The following DBT variants were observed in gnomAD, a reference collection of about 807,000 sequenced individuals.
DBT encodes lipoamide acyltransferase component of branched-chain alpha-keto acid dehydrogenase complex, mitochondrial.
A neutral mutation model predicts 51.3 loss-of-function variants in DBT; 40 were observed. The ratio of observed to expected loss-of-function variants is 0.78; its 90% confidence interval spans 0.61 to 1.02. The LOEUF is 1.02. DBT is among the 50% of genes least tolerant of loss of function. The probability of loss-of-function intolerance (pLI) is 0.00; values close to 1 mark genes in which losing one functional copy is unlikely to be tolerated. For missense variants in DBT, 510 were observed against 580.2 expected, an observed-to-expected ratio of 0.88 and a Z score of 1.24; for synonymous variants, 181 against 190.4, an observed-to-expected ratio of 0.95 and a Z score of 0.41.
At chr1:100,237,812 A>T (rs72975903) in intron 2 of DBT, among the ~76,000 whole-genome samples, 5,163 of 151,826 alleles carry the variant, frequency 0.034, 301 homozygotes, top group African/African-American at 0.12. Context: ...ATTAAAAAAA[A>T]TTTTTTATAG....
chr1:100,233,281 A>G lies in DBT; in HGVS notation c.251+2155T>C, dbSNP rs574339939. The stretch of plus-strand genomic sequence containing the variant: ...ACTTTAAGACAAAAGCACACATAAC[A>G]TCTAAACTTGTTTTAGAAGTTTGTC... On this transcript the variant is annotated intron_variant, in intron 3 of 10. Coordinates refer to ENST00000370132, the MANE Select transcript of DBT (RefSeq NM_001918.5). Among the ~76,000 whole-genome samples the G allele has an allele frequency of 1.1e-4, 16 of 152,278 alleles. No individual in the cohort carries two copies. The South Asian group carries it at 3.1e-3, about 30-fold the overall frequency.
intron 1 of DBT, among the ~76,000 whole-genome samples, chr1:100,249,494 G>T (rs1236763922): frequency 6.6e-6 from 1 of 152,176 alleles, no homozygotes; most frequent in Non-Finnish European, 1.5e-5. Flanking sequence ...CACCTGGAAG[G>T]CGCTCAATAA....
At chr1:100,230,151 T>C (rs1308449142) in intron 4 of DBT, among the ~76,000 whole-genome samples, 2 of 152,204 alleles carry the variant, frequency 1.3e-5, no homozygotes, top group Admixed American at 6.5e-5. Flanking sequence ...CTTTAATTAC[T>C]GAGAGAGCTT....
At chr1:100,213,808 C>T in intron 7 of DBT, 1 of 1,421,572 alleles carries the variant, frequency 7.0e-7, no homozygotes, top group East Asian at 2.6e-5. Flanking sequence ...ACGCCAGCTG[C>T]GGTTTCCCGG....
At chr1:100,235,153 T>TAAA (rs1220590281) in intron 3 of DBT, among the ~76,000 whole-genome samples, 4 of 152,328 alleles carry the variant, frequency 2.6e-5, no homozygotes, top group East Asian at 1.9e-4. Flanking sequence ...ACTTACATTC[T>TAAA]TACTAAAGTC....
chr1:100,220,689 TA>T (rs1167856138), intron 4 of DBT, among the ~76,000 whole-genome samples: 1 of 152,220 alleles, frequency 6.6e-6, no homozygotes, highest in Non-Finnish European at 1.5e-5. Context: ...ATAGACAGTT[TA>T]AAAAGTGAGG....
rs1274084788 is a variant in DBT, at chr1:100,188,789, A to G, written c.*7466T>C. 2.6e-5 allele frequency: 4 copies of G among 152,196 alleles called. No homozygotes were observed. The highest frequency in any genetic ancestry group is 5.9e-5 in the Non-Finnish European group (4 of 68,066). 9.4% of individuals were successfully genotyped at this position (152,196 alleles called of 1,614,324 possible). ...ACCTCTCTATAACAGAACTGCAATT[A>G]TTCTTGTCATGCTTCAGTTGTTTCT... On this transcript the variant is annotated 3_prime_UTR_variant, in exon 11 of 11. Transcript: ENST00000370132.
In DBT at chr1:100,218,689, T is replaced by C. The variant is rs34216222; in HGVS notation, c.492A>G (p.Gln164=). The change falls in exon 5 of 11, where the codon CAA becomes CAG. Residue 164 remains glutamine (Q), a synonymous_variant. Transcript: ENST00000370132. ...PAVSHDEHTH[Q]EIKGRKTLAT... ...CCAGTGTTTTTCGGCCCTTTATCTC[T>C]TGGTGTGTATGTTCATCATGAGACA... is the stretch of plus-strand genomic sequence containing the variant. 1.9e-5 allele frequency: 31 copies of C among 1,613,784 alleles called. No homozygotes were observed. Among genetic ancestry groups the C allele is most frequent in the Non-Finnish European group, 2.5e-5 (30 of 1,179,818 alleles).
chr1:100,230,752 T>G lies in DBT; in HGVS notation c.414A>C (p.Ile138=). Residue 138 remains isoleucine (I), a synonymous_variant, in exon 4 of 11, where the codon ATA becomes ATC. Coordinates refer to ENST00000370132, the MANE Select transcript of DBT (RefSeq NM_001918.5). The part of the protein sequence containing the change: ...IAYVGKPLVD[I]ETEALKDSEE... ...CAATACCTTTTAAAGCTTCCGTTTC[T>G]ATGTCTACTAATGGCTTCCCCACAT... 1 of 1,609,676 alleles carries G rather than the reference T, an allele frequency of 6.2e-7. No homozygotes were observed.
chr1:100,214,060 C>G (rs1292738223), intron 7 of DBT, among the ~76,000 whole-genome samples: 1 of 151,998 alleles, frequency 6.6e-6, no homozygotes, highest in African/African-American at 2.4e-5. Flanking sequence ...GTATGCTGCT[C>G]AAGGTTAGCT....
At chr1:100,240,120 A>G (rs1161294343) in intron 2 of DBT, among the ~76,000 whole-genome samples, 1 of 152,216 alleles carries the variant, frequency 6.6e-6, no homozygotes, top group Non-Finnish European at 1.5e-5. Context: ...GGGAAAAAGT[A>G]AGTAAATGGT....
At position 100,195,884 on chromosome 1, in the gene DBT, C is replaced by CA. The variant is rs1291759233; in HGVS notation, c.*370dup. 5 of 254,804 alleles carry CA rather than the reference C, an allele frequency of 2.0e-5. No homozygotes were observed. Among genetic ancestry groups the CA allele is most frequent in the Admixed American group, 5.0e-5 (1 of 20,058 alleles). 15.8% of individuals were successfully genotyped at this position (254,804 alleles called of 1,614,324 possible). On this transcript the variant is annotated 3_prime_UTR_variant, in exon 11 of 11. Transcript: ENST00000370132. ...TTCACCATGTTGGCCAGGCTGGTCT[C>CA]AAACTTCTAACCTCAGGTGATCCGC...
intron 7 of DBT, chr1:100,213,569 C>T (rs1034425871): frequency 1.9e-6 from 3 of 1,587,774 alleles, no homozygotes; most frequent in East Asian, 2.2e-5. Context: ...CTTCACCTTC[C>T]TGGGCATCTT....
At chr1:100,210,346 G>T (rs11579298) in intron 8 of DBT, among the ~76,000 whole-genome samples, 108,620 of 146,106 alleles carry the variant, frequency 0.74, 41,881 homozygotes, top group South Asian at 0.88. Flanking sequence ...AGAAGAAGAA[G>T]AATAAGAATA....
intron 2 of DBT, among the ~76,000 whole-genome samples, chr1:100,237,216 G>A (rs1029213992): frequency 3.9e-5 from 6 of 152,178 alleles, no homozygotes; most frequent in Non-Finnish European, 7.3e-5. Flanking sequence ...ACTGGAGGAT[G>A]AGACATCAGG....
At chr1:100,213,113 A>G (rs1480383566) in intron 7 of DBT, among the ~76,000 whole-genome samples, 1 of 152,252 alleles carries the variant, frequency 6.6e-6, no homozygotes, top group African/African-American at 2.4e-5. Context: ...CAAGTTTCTC[A>G]ACCTCTCTGA....
chr1:100,239,554 CAA>C (rs35771966), intron 2 of DBT, among the ~76,000 whole-genome samples: 88 of 146,650 alleles, frequency 6.0e-4, no homozygotes, highest in Middle Eastern at 6.9e-3. Flanking sequence ...GACCCTGTCT[CAA>C]AAAAAAAAAA....
Position 100,242,932 on chromosome 1 carries a change from G to A in DBT, c.52-2048C>T, listed in dbSNP as rs527779656. Among the ~76,000 whole-genome samples the A allele has an allele frequency of 1.1e-4, 17 of 152,166 alleles. No homozygotes were observed. In the South Asian group the frequency reaches 1.5e-3, roughly 13 times the overall value. ...GGGTCGGGGCAGCATAAACCACCAC[G>A]CTTAACATTTATTGAGTGCCTCCCA... On this transcript the variant is annotated intron_variant, in intron 1 of 10. Coordinates refer to ENST00000370132, the MANE Select transcript of DBT (RefSeq NM_001918.5).
chr1:100,237,658 AG>A (rs1444828924), intron 2 of DBT, among the ~76,000 whole-genome samples: 5 of 152,034 alleles, frequency 3.3e-5, no homozygotes, highest in Admixed American at 1.3e-4. Context: ...ATTTTTTTAG[AG>A]ACAGGGTCTC....
Sources: allele counts gnomAD v4.1 joint callset (sites outside exome capture counted in the v4.1 genomes callset), GRCh38; gene constraint gnomAD v4.1.1; transcripts MANE v1.5; gene names NCBI Gene and HGNC (gene_info 2026-07-23, HGNC 2026-07-21).